HMGB1: variants seen among roughly 807,000 people sequenced by gnomAD.
HMGB1 encodes high mobility group protein B1.
For missense variants in HMGB1, 79 were observed against 253.5 expected, an observed-to-expected ratio of 0.31 and a Z score of 4.67; for synonymous variants, 81 against 84.0, an observed-to-expected ratio of 0.96 and a Z score of 0.19.
intron 1 of HMGB1, among the ~76,000 whole-genome samples, chr13:30,497,716 T>C (rs1887642274): frequency 6.6e-6 from 1 of 152,222 alleles, no homozygotes; most frequent in Non-Finnish European, 1.5e-5. Context: ...TCTGACTTTC[T>C]GTTCCTGCAT....
At position 30,559,854 on chromosome 13, in the gene HMGB1, T is replaced by C. The variant is rs548641715; in HGVS notation, c.-15+56817A>G. 3.3e-5 allele frequency among the ~76,000 whole-genome samples: 5 copies of C among 152,244 alleles called. No homozygotes were observed. Among genetic ancestry groups the C allele is most frequent in the Admixed American group, 3.3e-4 (5 of 15,284 alleles). On this transcript the variant is annotated intron_variant, in intron 1 of 4. Transcript: ENST00000405805. This position sits in a 1 kb window ranked among gnomAD's most constrained non-coding sequence, Gnocchi z 6.6. ...TATGTGACTGACAATTATTAAACAA[T>C]TAAGAGTATGACTAAGATGAATATG...
At chr13:30,470,686 T>C (rs1886900176), upstream of HMGB1, among the ~76,000 whole-genome samples, 1 of 152,188 alleles carries the variant, frequency 6.6e-6, no homozygotes, top group Admixed American at 6.5e-5. Context: ...TCTCACTCAG[T>C]CGTCCAGGTT....
At chr13:30,560,774 G>A (rs372698781) in intron 1 of HMGB1, among the ~76,000 whole-genome samples, 18 of 152,258 alleles carry the variant, frequency 1.2e-4, no homozygotes, top group African/African-American at 4.1e-4. Flanking sequence ...GAAAATTCTA[G>A]CATGATAGGC....
At chr13:30,598,280 G>A (rs1871706171) in intron 1 of HMGB1, among the ~76,000 whole-genome samples, 1 of 152,234 alleles carries the variant, frequency 6.6e-6, no homozygotes, top group Non-Finnish European at 1.5e-5. Context: ...CAGTAGATCT[G>A]ATAATGGCAG....
intron 1 of HMGB1, among the ~76,000 whole-genome samples, chr13:30,490,874 A>G (rs1189242733): frequency 1.3e-5 from 2 of 152,074 alleles, no homozygotes; most frequent in Admixed American, 1.3e-4. Context: ...AGGCAAAGGT[A>G]CACTGCTGGT....
intron 1 of HMGB1, among the ~76,000 whole-genome samples, chr13:30,504,982 TC>T (rs1887818592): frequency 6.6e-6 from 1 of 152,102 alleles, no homozygotes; most frequent in East Asian, 1.9e-4. Context: ...AATTTTTTTT[TC>T]TTTTTGAGAG....
chr13:30,465,809 C>A lies in HMGB1; in HGVS notation c.-28G>T, dbSNP rs954182010. ...CCCCAGACTCACCCTCAGCGAGGCA[C>A]AGAGTCGCCCAGTGCCCGTCCGGCT... On this transcript the variant is annotated 5_prime_UTR_variant, in exon 1 of 5. Transcript: ENST00000341423. 1.0e-6 allele frequency: 1 copy of A among 985,742 alleles called. No individual in the cohort carries two copies. Among genetic ancestry groups the A allele is most frequent in the Non-Finnish European group, 1.2e-6 (1 of 829,954 alleles). 61.1% of individuals were successfully genotyped at this position (985,742 alleles called of 1,614,324 possible).
At chr13:30,550,523 T>C (rs1222861515) in intron 1 of HMGB1, among the ~76,000 whole-genome samples, 1 of 152,212 alleles carries the variant, frequency 6.6e-6, no homozygotes, top group African/African-American at 2.4e-5. Context: ...ACTTCCTTAA[T>C]GTAGGGATTC....
At chr13:30,482,476 C>A (rs763132008) in intron 1 of HMGB1, among the ~76,000 whole-genome samples, 2 of 152,144 alleles carry the variant, frequency 1.3e-5, no homozygotes, top group Non-Finnish European at 2.9e-5. Context: ...ATCATAAATA[C>A]TTTACCTCAT....
At chr13:30,608,045 C>A (rs1032762169) in intron 1 of HMGB1, among the ~76,000 whole-genome samples, 3 of 152,094 alleles carry the variant, frequency 2.0e-5, no homozygotes, top group African/African-American at 7.2e-5. Flanking sequence ...GACAGTAGGT[C>A]ACTTCCGAGG....
At chr13:30,505,108 C>T (rs1416464193) in intron 1 of HMGB1, among the ~76,000 whole-genome samples, 3 of 150,554 alleles carry the variant, frequency 2.0e-5, no homozygotes, top group East Asian at 1.9e-4. Flanking sequence ...GTAGCTGGGA[C>T]TACAGGCGCC....
intron 1 of HMGB1, among the ~76,000 whole-genome samples, chr13:30,483,794 T>C (rs972493043): frequency 1.3e-5 from 2 of 151,894 alleles, no homozygotes; most frequent in Non-Finnish European, 2.9e-5. Context: ...TTAAATTTTT[T>C]GTAGAGATGG....
rs1019669132 is a variant in HMGB1 at position 30,458,669 on chromosome 13, G to T, written c.*2688C>A. 2.0e-5 allele frequency: 3 copies of T among 152,162 alleles called. No homozygotes were observed. The highest frequency in any genetic ancestry group is 7.2e-5 in the African/African-American group (3 of 41,438). The allele number at this position is 152,162 out of a possible 1,614,324, so 9.4% of individuals were successfully genotyped here. On this transcript the variant is annotated 3_prime_UTR_variant, in exon 5 of 5. Coordinates refer to ENST00000341423, the MANE Select transcript of HMGB1 (RefSeq NM_002128.7). ...AACATAGTTAAATCCTACAATGTCT[G>T]AGCAATGGTTACAATTCCTTAGGTA...
upstream of HMGB1, among the ~76,000 whole-genome samples, chr13:30,468,701 A>G (rs970054581): frequency 1.3e-5 from 2 of 152,168 alleles, no homozygotes; most frequent in Non-Finnish European, 2.9e-5. Context: ...TTCATTTCTT[A>G]TATTTGATTT....
chr13:30,584,147 T>C (rs1871041195), intron 1 of HMGB1, among the ~76,000 whole-genome samples: 2 of 152,198 alleles, frequency 1.3e-5, no homozygotes, highest in African/African-American at 4.8e-5. Flanking sequence ...CCAACTTCTT[T>C]ACCCTAATCA....
chr13:30,523,049 G>A (rs2137476767), intron 1 of HMGB1, among the ~76,000 whole-genome samples: 1 of 152,324 alleles, frequency 6.6e-6, no homozygotes, highest in African/African-American at 2.4e-5. Context: ...TGCCTTCACA[G>A]CCTACAGGAA....
intron 1 of HMGB1, among the ~76,000 whole-genome samples, chr13:30,526,821 T>C (rs1356385326): frequency 1.3e-5 from 2 of 152,250 alleles, no homozygotes; most frequent in Admixed American, 6.5e-5. Context: ...TGAGAGAGTC[T>C]GTGTGTCTTT....
chr13:30,467,918 C>T (rs1043827905), upstream of HMGB1, among the ~76,000 whole-genome samples: 4 of 152,168 alleles, frequency 2.6e-5, no homozygotes, highest in Non-Finnish European at 4.4e-5. Context: ...ATCTTGAGAG[C>T]AATGGGCCCA....
At chr13:30,489,588 G>A (rs2137439349) in intron 1 of HMGB1, among the ~76,000 whole-genome samples, 1 of 152,296 alleles carries the variant, frequency 6.6e-6, no homozygotes. Context: ...CTCACTAGGA[G>A]GAGGAACAGA....
Sources: allele counts gnomAD v4.1 joint callset (sites outside exome capture counted in the v4.1 genomes callset), GRCh38; gene constraint gnomAD v4.1.1; non-coding constraint Gnocchi (gnomAD v3.1); transcripts MANE v1.5; gene names NCBI Gene and HGNC (gene_info 2026-07-23, HGNC 2026-07-21).